KCTD3: variants seen among roughly 807,000 people sequenced by gnomAD.
The protein encoded by KCTD3 is BTB/POZ domain-containing protein KCTD3.
Under a neutral mutation model 85.8 loss-of-function variants are expected in KCTD3, and 41 were observed. The observed-to-expected ratio is 0.48, with a 90% CI of 0.37 to 0.62. The LOEUF is 0.62. Ranked by LOEUF, KCTD3 falls within the 20% of genes least tolerant of loss-of-function variation. The probability of loss-of-function intolerance (pLI) is 0.00; values close to 1 mark genes in which losing one functional copy is unlikely to be tolerated. For synonymous variants in KCTD3, 338 were observed against 345.4 expected (o/e 0.98, Z 0.24); for missense variants, 724 against 989.9 (o/e 0.73, Z 3.60).
chr1:215,604,100 T>G (rs376921002), intron 12 of KCTD3, 32 bp from the exon 13 acceptor site: 1 of 1,541,112 alleles, frequency 6.5e-7, no homozygotes. Context: ...CGTTCCATAA[T>G]GTATCACCTG....
rs529372830 is a variant in KCTD3 at position 215,608,773 on chromosome 1, A to C, written c.1465+601A>C. Among the ~76,000 whole-genome samples, 3 of 151,946 alleles carry C rather than the reference A, an allele frequency of 2.0e-5. No individual in the cohort carries two copies. In the South Asian group the frequency reaches 6.2e-4, roughly 32 times the overall value. ...GATAGATCATTCCACCCCCGGCCCC[A>C]TTTGAAAGAATCTCACTGTCCTTAT... On this transcript the variant is annotated intron_variant, in intron 14 of 17. Coordinates refer to ENST00000259154, the MANE Select transcript of KCTD3 (RefSeq NM_016121.5).
In KCTD3 at chr1:215,604,370, A is replaced by G. The variant is rs945022163; in HGVS notation, c.1309+68A>G. On this transcript the variant is annotated intron_variant, in intron 13 of 17. Coordinates refer to ENST00000259154, the MANE Select transcript of KCTD3 (RefSeq NM_016121.5). ...TGTTATTTTCATTAAAAGAATGAAA[A>G]CGCAGTGTTTATGTGAGAAAAATAT... 7.0e-5 allele frequency: 90 copies of G among 1,277,348 alleles called. 1 individual carries two copies. The highest frequency in any genetic ancestry group is 8.9e-5 in the Non-Finnish European group (80 of 902,194). 79.1% of individuals were successfully genotyped at this position (1,277,348 alleles called of 1,614,324 possible). A position where few individuals can be genotyped will look rare whatever the true frequency, so the allele number is the denominator to read the frequency against.
chr1:215,608,803 T>C (rs1395225010), intron 14 of KCTD3, among the ~76,000 whole-genome samples: 1 of 151,952 alleles, frequency 6.6e-6, no homozygotes, highest in Admixed American at 6.6e-5. Context: ...CCTTATAAGC[T>C]ACTTAAGAGA....
chr1:215,597,035 C>CG (rs1253697068), intron 10 of KCTD3, among the ~76,000 whole-genome samples: 3 of 152,074 alleles, frequency 2.0e-5, no homozygotes, highest in Admixed American at 1.3e-4. Flanking sequence ...AGAGATTAAT[C>CG]GTACATTTGC....
At chr1:215,575,210 C>T (rs892746224) in intron 3 of KCTD3, among the ~76,000 whole-genome samples, 4 of 152,092 alleles carry the variant, frequency 2.6e-5, no homozygotes, top group Non-Finnish European at 5.9e-5. Flanking sequence ...CCAGATCGTG[C>T]CACTGCACTC....
At chr1:215,596,340 A>G (rs1375394201) in intron 10 of KCTD3, among the ~76,000 whole-genome samples, 3 of 151,762 alleles carry the variant, frequency 2.0e-5, no homozygotes. Flanking sequence ...GATGTTAAGT[A>G]TATAGTTGGA....
chr1:215,588,996 G>A (rs1452653115), intron 9 of KCTD3, among the ~76,000 whole-genome samples: 1 of 152,114 alleles, frequency 6.6e-6, no homozygotes, highest in African/African-American at 2.4e-5. Flanking sequence ...TACTTCTCTA[G>A]CCACTGTGAT....
Position 215,618,964 on chromosome 1 carries a change from G to A in KCTD3, c.1641G>A (p.Met547Ile). The A allele has an allele frequency of 2.5e-6, 4 of 1,613,848 alleles. No individual in the cohort carries two copies. Among genetic ancestry groups the A allele is most frequent in the Non-Finnish European group, 2.5e-6 (3 of 1,179,818 alleles). The change falls in exon 16 of 18, where the codon ATG becomes ATA. Residue 547 changes from methionine to isoleucine, a missense_variant. Met to Ile is a conservative substitution (Grantham distance 10). Transcript: ENST00000259154. Reference protein sequence around the residue: ...TVRECEGSSRMGSRPRRYLFT... With the variant: ...TVRECEGSSRIGSRPRRYLFT... ...GGGAATGTGAGGGATCCAGTAGGATGGGCTCAAGACCAAGGCGCTACTTGT... is the reference window on the plus strand; with the variant it reads ...GGGAATGTGAGGGATCCAGTAGGATAGGCTCAAGACCAAGGCGCTACTTGT...
chr1:215,578,875 C>T, intron 6 of KCTD3, 125 bp from the exon 7 acceptor site: 16 of 508,634 alleles, frequency 3.1e-5, no homozygotes, highest in South Asian at 1.5e-4. Flanking sequence ...TAATAATTTG[C>T]TATATTGGAA....
chr1:215,571,906 C>T (rs1363844935), intron 1 of KCTD3, among the ~76,000 whole-genome samples: 1 of 152,190 alleles, frequency 6.6e-6, no homozygotes, highest in African/African-American at 2.4e-5. Context: ...GCTGGGATTA[C>T]AGGCGTGAGC....
In KCTD3 at chr1:215,567,583, C is replaced by A. The variant is rs1412063162; in HGVS notation, c.-103C>A. On this transcript the variant is annotated 5_prime_UTR_variant, in exon 1 of 18. Transcript: ENST00000259154. ...CCCCCCGCCCTCCGGCCGCCGCCGC[C>A]CCGCTGGCCCTGCAGCCGTCGCCGC... 3.1e-6 allele frequency: 2 copies of A among 637,430 alleles called. No homozygotes were observed. The highest frequency in any genetic ancestry group is 3.8e-5 in the African/African-American group (2 of 52,488). 39.5% of individuals were successfully genotyped at this position (637,430 alleles called of 1,614,324 possible). A position where few individuals can be genotyped will look rare whatever the true frequency, so the allele number is the denominator to read the frequency against.
intron 3 of KCTD3, among the ~76,000 whole-genome samples, chr1:215,575,101 A>T (rs930325729): frequency 1.3e-5 from 2 of 152,026 alleles, no homozygotes; most frequent in Non-Finnish European, 2.9e-5. Context: ...AAAACAGAAA[A>T]ATTAACCCGG....
chr1:215,608,175 G>T lies in KCTD3; in HGVS notation c.1465+3G>T. On this transcript the variant is annotated splice_donor_region_variant and intron_variant, in intron 14 of 17. Coordinates refer to ENST00000259154, the MANE Select transcript of KCTD3 (RefSeq NM_016121.5). ...CTATTCCTCTGGAAATGACATAGGT[G>T]GGTTAGGTTATTTTAGGGCATTTTT... The T allele has an allele frequency of 6.2e-7, 1 of 1,605,430 alleles. No individual in the cohort carries two copies. The highest frequency in any genetic ancestry group is 8.5e-7 in the Non-Finnish European group (1 of 1,176,150).
chr1:215,581,682 C>T (rs1002251852), intron 8 of KCTD3, among the ~76,000 whole-genome samples: 2 of 152,164 alleles, frequency 1.3e-5, no homozygotes, highest in African/African-American at 4.8e-5. Flanking sequence ...TTGCATTGAT[C>T]ACGATCTTTC....
chr1:215,616,260 G>A (rs1387003042), intron 15 of KCTD3, among the ~76,000 whole-genome samples: 4 of 152,020 alleles, frequency 2.6e-5, no homozygotes, highest in Non-Finnish European at 5.9e-5. Context: ...GGGAGTTGTT[G>A]AACATTTTAA....
intron 4 of KCTD3, among the ~76,000 whole-genome samples, chr1:215,576,313 C>A (rs918587450): frequency 6.6e-6 from 1 of 152,010 alleles, no homozygotes; most frequent in African/African-American, 2.4e-5. Flanking sequence ...AGGCAGTCTC[C>A]CCGCCTTAGC....
rs1655702078 is a variant in KCTD3, at chr1:215,621,782, A to C, written c.*1164A>C. On this transcript the variant is annotated 3_prime_UTR_variant, in exon 18 of 18. Transcript: ENST00000259154. ...GTTCTCTTGTATTTATTTATCAATT[A>C]AATCAAATAAAAATGATTATGTCAA... 6.6e-6 allele frequency: 1 copy of C among 152,548 alleles called. No individual in the cohort carries two copies. Among genetic ancestry groups the C allele is most frequent in the African/African-American group, 2.4e-5 (1 of 41,438 alleles). The allele number at this position is 152,548 out of a possible 1,614,324, so 9.4% of individuals were successfully genotyped here.
intron 9 of KCTD3, among the ~76,000 whole-genome samples, chr1:215,593,340 T>A (rs1660291802): frequency 6.6e-6 from 1 of 152,216 alleles, no homozygotes; most frequent in Non-Finnish European, 1.5e-5. Context: ...ATACATATAA[T>A]TAAAAATGTT....
intron 1 of KCTD3, among the ~76,000 whole-genome samples, chr1:215,569,125 CTTTT>C (rs397964441): frequency 7.2e-6 from 1 of 139,060 alleles, no homozygotes. Context: ...CTTTAATTTT[CTTTT>C]TTTTTTTTTT....
Sources: allele counts gnomAD v4.1 joint callset (sites outside exome capture counted in the v4.1 genomes callset), GRCh38; gene constraint gnomAD v4.1.1; transcripts MANE v1.5; gene names NCBI Gene and HGNC (gene_info 2026-07-23, HGNC 2026-07-21).